RANBP2: variants seen among roughly 807,000 people sequenced by gnomAD.
RANBP2 encodes E3 SUMO-protein ligase RanBP2.
In RANBP2, 57 loss-of-function variants were observed where a neutral mutation model predicts 303.6. The ratio of observed to expected loss-of-function variants is 0.19; its 90% CI spans 0.15 to 0.23. The LOEUF (loss-of-function observed/expected upper bound fraction) is 0.23. Ranked by LOEUF, RANBP2 falls within the 10% of genes least tolerant of loss-of-function variation. The probability of loss-of-function intolerance (pLI) is 1.00; values close to 1 mark genes in which losing one functional copy is unlikely to be tolerated. For synonymous variants in RANBP2, 1,167 were observed against 1,301.5 expected (o/e 0.90, Z 2.23); for missense variants, 3,138 against 3,780.8 (o/e 0.83, Z 4.46).
At chr2:109,357,147 G>A in the RANBP2 span, among the ~76,000 whole-genome samples, 1 of 150,854 alleles carries the variant, frequency 6.6e-6, no homozygotes, top group South Asian at 2.1e-4. Flanking sequence ...TATGCAGCTT[G>A]ATGATTATCA....
intron 7 of RANBP2, among the ~76,000 whole-genome samples, chr2:108,746,273 C>A (rs1435283179): frequency 1.4e-5 from 2 of 137,996 alleles, no homozygotes; most frequent in African/African-American, 5.6e-5. Context: ...AGTGCAATGG[C>A]GCAGTCTCAG....
At chr2:109,211,219 G>A in the RANBP2 span, among the ~76,000 whole-genome samples, 1 of 152,312 alleles carries the variant, frequency 6.6e-6, no homozygotes, top group East Asian at 1.9e-4. Context: ...GGGATAAAAG[G>A]CAAGGAGGCA....
chr2:109,158,354 T>G, the RANBP2 span, among the ~76,000 whole-genome samples: 2 of 152,178 alleles, frequency 1.3e-5, no homozygotes, highest in African/African-American at 4.8e-5. Flanking sequence ...GGTGTCCTCT[T>G]CTCTCATCCT....
At chr2:109,226,430 C>T in the RANBP2 span, among the ~76,000 whole-genome samples, 1 of 152,200 alleles carries the variant, frequency 6.6e-6, no homozygotes, top group Non-Finnish European at 1.5e-5. Context: ...TCTAATGACA[C>T]ACGTGGCCCA....
chr2:109,434,233 C>T, the RANBP2 span, among the ~76,000 whole-genome samples: 7 of 152,332 alleles, frequency 4.6e-5, no homozygotes, highest in Non-Finnish European at 7.4e-5. Context: ...CCTCTGGGCT[C>T]GCCCGCCCTG....
chr2:108,970,076 C>T, the RANBP2 span, among the ~76,000 whole-genome samples: 9 of 152,302 alleles, frequency 5.9e-5, no homozygotes, highest in Non-Finnish European at 1.2e-4. Context: ...AAGACACTTT[C>T]CCCTGTGGAA....
At chr2:109,250,715 A>G in the RANBP2 span, among the ~76,000 whole-genome samples, 3 of 151,968 alleles carry the variant, frequency 2.0e-5, no homozygotes, top group African/African-American at 4.8e-5. Flanking sequence ...GCAAACTACC[A>G]TAACTTGCCA....
chr2:109,185,839 G>C, the RANBP2 span, among the ~76,000 whole-genome samples: 1 of 152,282 alleles, frequency 6.6e-6, no homozygotes, highest in Non-Finnish European at 1.5e-5. Context: ...TGAGGCGACA[G>C]TGTCTTGTAA....
the RANBP2 span, among the ~76,000 whole-genome samples, chr2:109,359,336 T>C: frequency 3.3e-5 from 5 of 152,358 alleles, no homozygotes; most frequent in African/African-American, 1.2e-4. Flanking sequence ...ATTGAGATTG[T>C]GTTAAATCTA....
the RANBP2 span, chr2:108,878,557 A>G: frequency 4.8e-6 from 1 of 207,424 alleles, no homozygotes; most frequent in East Asian, 1.2e-4. Flanking sequence ...CCATCTGGAC[A>G]GTCAGATATG....
At chr2:109,309,415 C>T in the RANBP2 span, among the ~76,000 whole-genome samples, 1 of 137,794 alleles carries the variant, frequency 7.3e-6, no homozygotes, top group Non-Finnish European at 1.5e-5. Context: ...ATGTGAAGAC[C>T]ATTGAGACTA....
chr2:108,767,565 T>A lies in RANBP2; in HGVS notation c.7026T>A (p.Tyr2342Ter). Residue 2342 changes from tyrosine (Y) to a stop codon, truncating the protein, a stop_gained, in exon 20 of 29, where the codon TAT becomes TAA. Transcript: ENST00000283195. LOFTEE classifies it high-confidence loss of function. ...GTCACAGGGCAAAACTCTACAGATATGATAAAGATGTTGGTCAATGGAAAG... is the reference window on the plus strand; with the variant it reads ...GTCACAGGGCAAAACTCTACAGATAAGATAAAGATGTTGGTCAATGGAAAG... ...VFSHRAKLYR[Y>*]DKDVGQWKER... 1.2e-6 allele frequency: 2 copies of A among 1,611,930 alleles called. No homozygotes were observed.
At chr2:109,701,052 G>A in the RANBP2 span, among the ~76,000 whole-genome samples, 3 of 152,182 alleles carry the variant, frequency 2.0e-5, no homozygotes, top group Non-Finnish European at 2.9e-5. Context: ...TGCAGGAGAC[G>A]CGTTCACAGG....
chr2:109,102,760 CTACTCT>C, the RANBP2 span, among the ~76,000 whole-genome samples: 2 of 152,134 alleles, frequency 1.3e-5, no homozygotes, highest in Non-Finnish European at 2.9e-5. Context: ...GCAGGGTGTT[CTACTCT>C]CTGCTGTTTA....
the RANBP2 span, among the ~76,000 whole-genome samples, chr2:108,850,436 C>T: frequency 1.3e-5 from 2 of 151,798 alleles, no homozygotes; most frequent in Non-Finnish European, 2.9e-5. Flanking sequence ...TAATACTTGG[C>T]GAGTTTTTTT....
At chr2:109,330,563 A>T in the RANBP2 span, among the ~76,000 whole-genome samples, 1 of 152,250 alleles carries the variant, frequency 6.6e-6, no homozygotes, top group East Asian at 1.9e-4. Context: ...CACAGACAAG[A>T]TAGTCACTGT....
At chr2:109,383,706 G>A in the RANBP2 span, among the ~76,000 whole-genome samples, 6 of 152,248 alleles carry the variant, frequency 3.9e-5, no homozygotes, top group East Asian at 3.9e-4. Flanking sequence ...CTCAACCCCC[G>A]CAGAGGAGCT....
the RANBP2 span, among the ~76,000 whole-genome samples, chr2:109,371,146 T>C: frequency 2.6e-4 from 39 of 152,328 alleles, no homozygotes; most frequent in African/African-American, 8.4e-4. Flanking sequence ...CCCAGCACTT[T>C]AGGAGGCCAA....
intron 22 of RANBP2, 105 bp from the exon 23 acceptor site, chr2:108,772,763 C>T: frequency 3.1e-6 from 4 of 1,294,434 alleles, no homozygotes; most frequent in Non-Finnish European, 4.4e-6. Context: ...TTAGTATGTA[C>T]AGGTCTTGTT....
Sources: allele counts gnomAD v4.1 joint callset (sites outside exome capture counted in the v4.1 genomes callset), GRCh38; gene constraint gnomAD v4.1.1; transcripts MANE v1.5; gene names NCBI Gene and HGNC (gene_info 2026-07-23, HGNC 2026-07-21).